Variants in OCA2 observed in about 807,000 individuals in gnomAD.
The protein encoded by OCA2 is OCA2 melanosomal transmembrane protein, also known as P protein.
Under a neutral mutation model 100.2 loss-of-function variants are expected in OCA2, and 77 were observed. The ratio of observed to expected loss-of-function variants is 0.77; its 90% CI spans 0.64 to 0.93. OCA2 has a LOEUF of 0.93. Among genes scored for constraint, OCA2 ranks in the 40% least tolerant of loss-of-function variants. The probability of loss-of-function intolerance (pLI) is 0.00; values close to 1 mark genes in which losing one functional copy is unlikely to be tolerated. For missense variants in OCA2, 1,062 were observed against 1,089.1 expected (o/e 0.98, Z 0.35); for synonymous variants, 432 against 439.2 (o/e 0.98, Z 0.21).
chr15:27,719,917 C>G, the OCA2 span, among the ~76,000 whole-genome samples: 1 of 152,138 alleles, frequency 6.6e-6, no homozygotes, highest in African/African-American at 2.4e-5. Context: ...TATAAAGCTG[C>G]TAATGCCCCA....
chr15:28,094,755 G>A (rs896631154), intron 1 of OCA2, among the ~76,000 whole-genome samples: 33 of 152,276 alleles, frequency 2.2e-4, no homozygotes, highest in Middle Eastern at 3.4e-3. Flanking sequence ...CCTGCTGCCA[G>A]CACCGTTCTC....
At chr15:28,014,708 G>T in intron 9 of OCA2, 68 bp downstream of exon 9, 1 of 1,547,156 alleles carries the variant, frequency 6.5e-7, no homozygotes, top group Non-Finnish European at 8.8e-7. Context: ...CATCCAGAGT[G>T]TCTCACGGAT....
intron 21 of OCA2, among the ~76,000 whole-genome samples, chr15:27,852,805 A>C (rs1433077006): frequency 3.9e-5 from 3 of 75,954 alleles, no homozygotes; most frequent in African/African-American, 7.7e-5. Context: ...TTATGCAGCC[A>C]AAAAACACAT....
In OCA2 at chr15:28,082,187, A is replaced by G. The variant is rs186994548; in HGVS notation, c.-21-292T>C. ...AATGCACCAATCAGCAATCTATAAA[A>G]TGGACCAATCAGCACTCTGTACAGT... On this transcript the variant is annotated intron_variant, in intron 1 of 23. Transcript: ENST00000354638. 3.0e-3 allele frequency among the ~76,000 whole-genome samples: 456 copies of G among 152,300 alleles called. 1 individual carries two copies. The highest frequency in any genetic ancestry group is 6.8e-3 in the Middle Eastern group (2 of 294).
intron 23 of OCA2, among the ~76,000 whole-genome samples, chr15:27,756,924 C>T (rs1006005977): frequency 6.6e-6 from 1 of 152,194 alleles, no homozygotes; most frequent in African/African-American, 2.4e-5. Context: ...GAGGATGGCA[C>T]CAACGCAGAG....
At chr15:28,004,671 CACTA>C (rs1276478008) in intron 9 of OCA2, among the ~76,000 whole-genome samples, 6 of 152,170 alleles carry the variant, frequency 3.9e-5, no homozygotes, top group Admixed American at 1.3e-4. Context: ...CATGCCCACA[CACTA>C]ACAGTCTCAC....
intron 23 of OCA2, among the ~76,000 whole-genome samples, chr15:27,764,120 G>A (rs1392493301): frequency 6.6e-6 from 1 of 151,406 alleles, no homozygotes; most frequent in Non-Finnish European, 1.5e-5. Context: ...GAGACAGAAG[G>A]AAAAAGGGAG....
intron 14 of OCA2, among the ~76,000 whole-genome samples, chr15:27,974,236 CA>C (rs2040895322): frequency 6.6e-6 from 1 of 152,128 alleles, no homozygotes; most frequent in African/African-American, 2.4e-5. Context: ...AAATTAATTT[CA>C]AACTTAAGTT....
intron 6 of OCA2, among the ~76,000 whole-genome samples, chr15:28,022,073 C>T (rs554959887): frequency 6.6e-6 from 1 of 152,302 alleles, no homozygotes; most frequent in African/African-American, 2.4e-5. Flanking sequence ...TGACTTCTAA[C>T]TAAAAATTCT....
intron 18 of OCA2, 72 bp downstream of exon 18, chr15:27,951,712 T>C: frequency 8.8e-7 from 1 of 1,133,332 alleles, no homozygotes; most frequent in South Asian, 1.3e-5. Context: ...AGTCAGTGTC[T>C]GGGAACAGGC....
intron 23 of OCA2, among the ~76,000 whole-genome samples, chr15:27,798,815 C>T (rs1341660873): frequency 2.0e-5 from 3 of 152,138 alleles, no homozygotes; most frequent in Non-Finnish European, 2.9e-5. Context: ...AGAAATGTTC[C>T]GGGTTTTTGG....
chr15:27,856,785 C>T (rs1232088318), intron 21 of OCA2, among the ~76,000 whole-genome samples: 1 of 151,874 alleles, frequency 6.6e-6, no homozygotes, highest in Non-Finnish European at 1.5e-5. Flanking sequence ...TACTAGTTGA[C>T]TATAGAGATA....
intron 18 of OCA2, among the ~76,000 whole-genome samples, chr15:27,930,272 G>T (rs766178726): frequency 7.2e-5 from 11 of 152,156 alleles, no homozygotes; most frequent in Non-Finnish European, 1.6e-4. Context: ...TGTACAAAAA[G>T]ATGGTGTAAT....
intron 2 of OCA2, among the ~76,000 whole-genome samples, chr15:28,049,080 A>G (rs2043429405): frequency 1.3e-5 from 2 of 152,230 alleles, no homozygotes; most frequent in African/African-American, 4.8e-5. Context: ...TGCAAATCAT[A>G]TATTGATAAG....
chr15:27,757,351 G>A (rs952951029), intron 23 of OCA2, among the ~76,000 whole-genome samples: 1 of 152,230 alleles, frequency 6.6e-6, no homozygotes, highest in Non-Finnish European at 1.5e-5. Flanking sequence ...TGTATGCTAA[G>A]GGCCTCATAG....
chr15:27,859,151 T>C (rs2036042547), intron 21 of OCA2, among the ~76,000 whole-genome samples: 1 of 151,806 alleles, frequency 6.6e-6, no homozygotes, highest in African/African-American at 2.4e-5. Context: ...CTAAAGCTAG[T>C]AGAATGAGGG....
At chr15:27,893,849 G>C (rs533641685) in intron 19 of OCA2, among the ~76,000 whole-genome samples, 7 of 152,220 alleles carry the variant, frequency 4.6e-5, no homozygotes, top group East Asian at 1.9e-4. Flanking sequence ...TATGATCTTT[G>C]TTGGACCCTT....
chr15:27,998,578 G>T (rs2041824327), intron 9 of OCA2, among the ~76,000 whole-genome samples: 1 of 147,414 alleles, frequency 6.8e-6, no homozygotes, highest in African/African-American at 2.5e-5. Context: ...TGGAGAAATA[G>T]GAACACTTTT....
intron 11 of OCA2, 69 bp downstream of exon 11, chr15:27,989,532 G>T: frequency 7.9e-7 from 1 of 1,259,866 alleles, no homozygotes; most frequent in Non-Finnish European, 1.2e-6. Flanking sequence ...GACCCTCAGC[G>T]GTGGAGGCCA....
Sources: gnomAD v4.1 joint callset for allele counts (sites outside exome capture counted in the v4.1 genomes callset) on GRCh38, gnomAD v4.1.1 for gene constraint, MANE v1.5 for transcripts, NCBI Gene and HGNC (gene_info 2026-07-23, HGNC 2026-07-21) for gene names.